LRRC40: variants seen among roughly 807,000 people sequenced by gnomAD.
LRRC40 encodes leucine-rich repeat-containing protein 40.
A neutral mutation model predicts 72.8 loss-of-function variants in LRRC40; 76 were observed. That is an observed-to-expected ratio of 1.04 (90% CI 0.87 to 1.26). The LOEUF (loss-of-function observed/expected upper bound fraction) is 1.26, where lower values mean the gene tolerates loss of function less well. Ranked by LOEUF, LRRC40 falls within the 50% of genes most tolerant of loss-of-function variation. LRRC40 has a pLI of 0.00. For missense variants in LRRC40, 684 were observed against 698.9 expected, an observed-to-expected ratio of 0.98 and a Z score of 0.24; for synonymous variants, 243 against 254.2, an observed-to-expected ratio of 0.96 and a Z score of 0.42.
intron 1 of LRRC40, among the ~76,000 whole-genome samples, chr1:70,204,983 C>A (rs1471264157): frequency 6.6e-6 from 1 of 151,758 alleles, no homozygotes; most frequent in Non-Finnish European, 1.5e-5. Flanking sequence ...CACAAAGGGG[C>A]CGATAAAACA....
chr1:70,178,253 T>C (rs566855648), intron 6 of LRRC40, among the ~76,000 whole-genome samples: 195 of 152,322 alleles, frequency 1.3e-3, no homozygotes, highest in African/African-American at 4.5e-3. Flanking sequence ...GATTATTTTA[T>C]ATACTGATTT....
chr1:70,190,175 T>C (rs1001262266), intron 1 of LRRC40, among the ~76,000 whole-genome samples: 2 of 152,178 alleles, frequency 1.3e-5, no homozygotes, highest in Non-Finnish European at 2.9e-5. Flanking sequence ...AGGGATGATG[T>C]AGAACTTCAA....
chr1:70,153,660 A>G (rs992276281), intron 11 of LRRC40, among the ~76,000 whole-genome samples: 3 of 152,166 alleles, frequency 2.0e-5, no homozygotes, highest in Admixed American at 6.5e-5. Flanking sequence ...ATAAACAGAA[A>G]AATACTTATG....
chr1:70,152,682 G>C, intron 11 of LRRC40, 139 bp from the exon 12 acceptor site: 1 of 624,014 alleles, frequency 1.6e-6, no homozygotes, highest in Non-Finnish European at 2.9e-6. Context: ...TTTTTCACAG[G>C]AACATTAATG....
chr1:70,204,850 TCAAA>T (rs1668877669), intron 1 of LRRC40, among the ~76,000 whole-genome samples: 1 of 151,990 alleles, frequency 6.6e-6, no homozygotes, highest in Non-Finnish European at 1.5e-5. Context: ...GTCCCCACAT[TCAAA>T]CACTCTGTGT....
chr1:70,171,660 TAGAATC>T (rs998133569), intron 9 of LRRC40, among the ~76,000 whole-genome samples: 3 of 152,114 alleles, frequency 2.0e-5, no homozygotes, highest in African/African-American at 7.2e-5. Context: ...ACAAGATGGC[TAGAATC>T]AGAGTCAGAT....
intron 6 of LRRC40, among the ~76,000 whole-genome samples, chr1:70,177,885 C>CCT (rs1480132090): frequency 6.6e-6 from 1 of 152,194 alleles, no homozygotes; most frequent in East Asian, 1.9e-4. Context: ...TCTTCCTCCT[C>CCT]CTCAGCCTAC....
At chr1:70,204,440 A>C (rs965024932) in intron 1 of LRRC40, among the ~76,000 whole-genome samples, 2 of 152,216 alleles carry the variant, frequency 1.3e-5, no homozygotes, top group Non-Finnish European at 2.9e-5. Context: ...AAAATGTTTC[A>C]GGTTTTGGGG....
chr1:70,190,987 G>A (rs570837546), intron 1 of LRRC40, among the ~76,000 whole-genome samples: 3 of 152,132 alleles, frequency 2.0e-5, no homozygotes, highest in South Asian at 4.2e-4. Flanking sequence ...ATTTTGGTAT[G>A]TAGGTATGGA....
intron 1 of LRRC40, among the ~76,000 whole-genome samples, chr1:70,190,342 G>A (rs1668465344): frequency 6.6e-6 from 1 of 152,010 alleles, no homozygotes; most frequent in African/African-American, 2.4e-5. Flanking sequence ...TGGGGTTACA[G>A]AAGCAAAGCC....
chr1:70,150,600 G>A (rs1303402971), intron 13 of LRRC40, among the ~76,000 whole-genome samples: 3 of 152,226 alleles, frequency 2.0e-5, no homozygotes, highest in Non-Finnish European at 4.4e-5. Context: ...TCTGGCTACT[G>A]CTTACTTGCC....
rs1412212891 is a variant in LRRC40, at chr1:70,184,856, G to C, written c.466C>G (p.Leu156Val). Residue 156 changes from leucine to valine, a missense_variant, in exon 4 of 15, where the codon CTG becomes GTG. By Grantham distance (32) the Leu-to-Val change is conservative. Transcript: ENST00000370952. ...GTTAATTCATTATGCTGGAGATACAGGCACTTCAGGTTTCTTAGGTTTGTA... is the reference window on the plus strand; with the variant it reads ...GTTAATTCATTATGCTGGAGATACACGCACTTCAGGTTTCTTAGGTTTGTA... ...EITNLRNLKC[L>V]YLQHNELTCI... 3.7e-6 allele frequency: 6 copies of C among 1,610,900 alleles called. No homozygotes were observed. Among genetic ancestry groups the C allele is most frequent in the Non-Finnish European group, 5.1e-6 (6 of 1,177,438 alleles).
chr1:70,172,062 T>C (rs1483242455), intron 9 of LRRC40, among the ~76,000 whole-genome samples: 1 of 152,162 alleles, frequency 6.6e-6, no homozygotes, highest in South Asian at 2.1e-4. Flanking sequence ...GTAGGGCCTT[T>C]GTAAAGTAAC....
At chr1:70,171,306 A>AT (rs1558118096) in intron 9 of LRRC40, among the ~76,000 whole-genome samples, 1 of 151,948 alleles carries the variant, frequency 6.6e-6, no homozygotes, top group Non-Finnish European at 1.5e-5. Flanking sequence ...GCTTTCTTAG[A>AT]TTTAAAAAAA....
intron 9 of LRRC40, among the ~76,000 whole-genome samples, chr1:70,167,597 G>A (rs1026367128): frequency 6.6e-6 from 1 of 151,978 alleles, no homozygotes; most frequent in Non-Finnish European, 1.5e-5. Flanking sequence ...AATAATTTAA[G>A]GCCTCTGAAA....
Position 70,145,789 on chromosome 1 carries a change from G to C in LRRC40, c.*11C>G. 2.8e-6 allele frequency: 4 copies of C among 1,429,620 alleles called. No individual in the cohort carries two copies. In the South Asian group the frequency reaches 4.6e-5, roughly 16 times the overall value. 88.6% of individuals were successfully genotyped at this position (1,429,620 alleles called of 1,614,324 possible). A position where few individuals can be genotyped will look rare whatever the true frequency, so the allele number is the denominator to read the frequency against. On this transcript the variant is annotated 3_prime_UTR_variant, in exon 15 of 15. Transcript: ENST00000370952. The stretch of plus-strand genomic sequence containing the variant: ...AATAATACATGACAAGGGTTATAAA[G>C]CAACTCCATGTTAAGTAGGAATTCG...
intron 11 of LRRC40, among the ~76,000 whole-genome samples, chr1:70,154,518 T>C (rs1439245306): frequency 6.6e-6 from 1 of 152,188 alleles, no homozygotes; most frequent in Admixed American, 6.5e-5. Context: ...ATCCTCTCAG[T>C]CCTTTAAAAC....
At chr1:70,172,890 CT>C (rs923583486) in intron 9 of LRRC40, among the ~76,000 whole-genome samples, 98 of 148,202 alleles carry the variant, frequency 6.6e-4, no homozygotes, top group African/African-American at 2.3e-3. Context: ...CGTACAACTA[CT>C]TTTTTTTTTC....
intron 10 of LRRC40, among the ~76,000 whole-genome samples, chr1:70,157,633 G>C (rs1397419430): frequency 6.6e-6 from 1 of 152,146 alleles, no homozygotes. Context: ...ATCTGTATAT[G>C]AGGGAATGGA....
Sources: allele counts gnomAD v4.1 joint callset (sites outside exome capture counted in the v4.1 genomes callset), GRCh38; gene constraint gnomAD v4.1.1; transcripts MANE v1.5; gene names NCBI Gene and HGNC (gene_info 2026-07-23, HGNC 2026-07-21).